DBF4B: variants seen among roughly 807,000 people sequenced by gnomAD.
DBF4B encodes DBF4B-CDC7 kinase regulatory subunit.
Under a neutral mutation model 53.4 loss-of-function variants are expected in DBF4B, and 49 were observed. That is an observed-to-expected ratio of 0.92 (90% confidence interval 0.73 to 1.16). The LOEUF (loss-of-function observed/expected upper bound fraction) is 1.16. Among genes scored for constraint, DBF4B ranks in the 50% most tolerant of loss-of-function variants. The pLI is 0.00. For missense variants in DBF4B, 692 were observed against 775.0 expected, an observed-to-expected ratio of 0.89 and a Z score of 1.27; for synonymous variants, 257 against 288.7, an observed-to-expected ratio of 0.89 and a Z score of 1.11.
chr17:44,749,807 C>T lies in DBF4B; in HGVS notation c.1190-788C>T. 2 of 1,049,706 alleles carry T rather than the reference C, an allele frequency of 1.9e-6. No individual in the cohort carries two copies. The highest frequency in any genetic ancestry group is 2.3e-6 in the Non-Finnish European group (2 of 868,052). 65.0% of individuals were successfully genotyped at this position (1,049,706 alleles called of 1,614,324 possible). Reference sequence around the variant, plus strand: ...GCCGCGGGTTAGCTGTTGGTGTGCTCCACCCCCAACCCCGGCCTCCTTTCT... The same window carrying T: ...GCCGCGGGTTAGCTGTTGGTGTGCTTCACCCCCAACCCCGGCCTCCTTTCT... On this transcript the variant is annotated intron_variant, in intron 13 of 13. Transcript: ENST00000315005. This position sits in a 1 kb window ranked among gnomAD's most constrained non-coding sequence, Gnocchi z 4.4.
chr17:44,748,894 C>T (rs901290603), intron 13 of DBF4B: 2 of 1,290,172 alleles, frequency 1.6e-6, no homozygotes, highest in Non-Finnish European at 2.0e-6. Flanking sequence ...GTGCCACTCA[C>T]AGACCTGCCT....
intron 3 of DBF4B, 91 bp from the exon 4 acceptor site, chr17:44,729,814 T>C: frequency 7.1e-7 from 1 of 1,417,970 alleles, no homozygotes; most frequent in South Asian, 1.4e-5. Context: ...CTGGAACTCC[T>C]GGCAGCCAAG....
In DBF4B at chr17:44,752,252, A is replaced by C; in HGVS notation, c.*999A>C. ...TCAGGACCCTTTCCAATAATAAAAT[A>C]CTGTGACTGCCAGCAAATCTTTTAT... On this transcript the variant is annotated 3_prime_UTR_variant, in exon 14 of 14. Transcript: ENST00000315005. 1 of 441,312 alleles carries C rather than the reference A, an allele frequency of 2.3e-6. No individual in the cohort carries two copies. Among genetic ancestry groups the C allele is most frequent in the Non-Finnish European group, 4.2e-6 (1 of 239,556 alleles). 27.3% of individuals were successfully genotyped at this position (441,312 alleles called of 1,614,324 possible).
chr17:44,727,119 A>C (rs868345145), intron 3 of DBF4B, among the ~76,000 whole-genome samples: 36 of 149,672 alleles, frequency 2.4e-4, no homozygotes, highest in Admixed American at 1.0e-3. Flanking sequence ...AAAAAAAAAA[A>C]AAACCATATA....
At chr17:44,722,057 C>T (rs1009061116) in intron 2 of DBF4B, among the ~76,000 whole-genome samples, 2 of 151,854 alleles carry the variant, frequency 1.3e-5, no homozygotes, top group Non-Finnish European at 2.9e-5. Flanking sequence ...TCGCTTGAAC[C>T]TGGAAGAAGG....
chr17:44,728,364 C>G (rs1217660307), intron 3 of DBF4B, among the ~76,000 whole-genome samples: 1 of 151,998 alleles, frequency 6.6e-6, no homozygotes, highest in African/African-American at 2.4e-5. Context: ...AAAGTAGGTC[C>G]CACCTCCTAA....
chr17:44,723,734 G>A (rs1367799158), intron 3 of DBF4B, among the ~76,000 whole-genome samples: 1 of 151,702 alleles, frequency 6.6e-6, no homozygotes, highest in African/African-American at 2.4e-5. Flanking sequence ...ACTCCAGCCT[G>A]GGAGACAGAG....
chr17:44,726,368 G>A (rs1974344383), intron 3 of DBF4B, among the ~76,000 whole-genome samples: 1 of 150,610 alleles, frequency 6.6e-6, no homozygotes, highest in Non-Finnish European at 1.5e-5. Flanking sequence ...AGAGGGAGCT[G>A]AGGGCAAGGC....
chr17:44,729,831 T>G lies in DBF4B; in HGVS notation c.226-74T>G, dbSNP rs1974682801. 1.2e-5 allele frequency: 18 copies of G among 1,518,670 alleles called. No individual in the cohort carries two copies. In the Middle Eastern group the frequency reaches 1.8e-3, roughly 150 times the overall value. The allele number at this position is 1,518,670 out of a possible 1,614,324, so 94.1% of individuals were successfully genotyped here. On this transcript the variant is annotated intron_variant, in intron 3 of 13. Coordinates refer to ENST00000315005, the MANE Select transcript of DBF4B (RefSeq NM_145663.3). ...GGAACTCCTGGCAGCCAAGATTTCC[T>G]TCTCCAGCCTCTTTATATTGACAAT...
chr17:44,727,591 C>T (rs1974468735), intron 3 of DBF4B, among the ~76,000 whole-genome samples: 1 of 152,204 alleles, frequency 6.6e-6, no homozygotes, highest in Non-Finnish European at 1.5e-5. Flanking sequence ...ATTATATAAC[C>T]AAACTGGCCC....
At chr17:44,743,212 A>G (rs1399889508) in intron 10 of DBF4B, among the ~76,000 whole-genome samples, 1 of 152,176 alleles carries the variant, frequency 6.6e-6, no homozygotes, top group Non-Finnish European at 1.5e-5. Context: ...AGGGAAGATG[A>G]AGCAATGAAG....
At chr17:44,748,825 C>A in intron 13 of DBF4B, 1 of 1,294,418 alleles carries the variant, frequency 7.7e-7, no homozygotes, top group South Asian at 1.2e-5. Context: ...TGGCAAGCGT[C>A]TTCCCTCTCT....
chr17:44,720,167 A>T, intron 2 of DBF4B: 1 of 355,128 alleles, frequency 2.8e-6, no homozygotes. Flanking sequence ...ATCGTCCTGG[A>T]GGTGATGCTG....
chr17:44,748,578 T>C (rs977894344), intron 13 of DBF4B, 113 bp downstream of exon 13: 12 of 1,550,388 alleles, frequency 7.7e-6, no homozygotes, highest in Non-Finnish European at 9.6e-6. Flanking sequence ...GGGTGTCAGT[T>C]GATGTGTTTG....
At chr17:44,710,736 T>A (rs1394670127) in intron 2 of DBF4B, among the ~76,000 whole-genome samples, 4 of 152,054 alleles carry the variant, frequency 2.6e-5, no homozygotes, top group Non-Finnish European at 5.9e-5. Context: ...CAGCTAATTT[T>A]TTTTTGTTGT....
Position 44,752,026 on chromosome 17 carries a change from A to C in DBF4B, c.*773A>C. 1 of 1,520,332 alleles carries C rather than the reference A, an allele frequency of 6.6e-7. No individual in the cohort carries two copies. The highest frequency in any genetic ancestry group is 8.8e-7 in the Non-Finnish European group (1 of 1,132,704). The allele number at this position is 1,520,332 out of a possible 1,614,324, so 94.2% of individuals were successfully genotyped here. A position where few individuals can be genotyped will look rare whatever the true frequency, so the allele number is the denominator to read the frequency against. On this transcript the variant is annotated 3_prime_UTR_variant, in exon 14 of 14. Coordinates refer to ENST00000315005, the MANE Select transcript of DBF4B (RefSeq NM_145663.3). Reference sequence around the variant, plus strand: ...ACTACTTTACTCAGACTAGGTCCCCAGGCCTTTGTTCTTGCCTCTTCTCGC... The same window carrying C: ...ACTACTTTACTCAGACTAGGTCCCCCGGCCTTTGTTCTTGCCTCTTCTCGC...
intron 7 of DBF4B, among the ~76,000 whole-genome samples, chr17:44,734,527 G>T (rs182128589): frequency 4.4e-4 from 67 of 152,348 alleles, no homozygotes; most frequent in African/African-American, 1.5e-3. Context: ...TCTAGACTGG[G>T]AACGAGTCTG....
rs981988017 is a variant in DBF4B at position 44,729,836 on chromosome 17, C to A, written c.226-69C>A. On this transcript the variant is annotated intron_variant, in intron 3 of 13. Transcript: ENST00000315005. ...TCCTGGCAGCCAAGATTTCCTTCTCCAGCCTCTTTATATTGACAATTCTGC... is the reference window on the plus strand; with the variant it reads ...TCCTGGCAGCCAAGATTTCCTTCTCAAGCCTCTTTATATTGACAATTCTGC... 1.2e-5 allele frequency: 19 copies of A among 1,539,918 alleles called. No homozygotes were observed. In the African/African-American group the frequency reaches 2.1e-4, roughly 17 times the overall value.
Position 44,722,515 on chromosome 17 carries a change from G to A in DBF4B, c.83-365G>A, listed in dbSNP as rs373727075. On this transcript the variant is annotated intron_variant, in intron 2 of 13. Transcript: ENST00000315005. ...CAGCACAGCTAGAAAGCATCCTCCT[G>A]CCTGGCACCCCCGTGTGAATCTCGG... Among the ~76,000 whole-genome samples the A allele has an allele frequency of 8.5e-5, 13 of 152,268 alleles. No homozygotes were observed. In the East Asian group the frequency reaches 2.5e-3, roughly 29 times the overall value.
Sources: gnomAD v4.1 joint callset for allele counts (sites outside exome capture counted in the v4.1 genomes callset) on GRCh38, gnomAD v4.1.1 for gene constraint, Gnocchi (gnomAD v3.1) non-coding constraint, MANE v1.5 for transcripts, NCBI Gene and HGNC (gene_info 2026-07-23, HGNC 2026-07-21) for gene names.